Variants in TBC1D21 observed in about 807,000 individuals in gnomAD.
The protein encoded by TBC1D21 is male germ cell Rab GTPase-activating protein.
TBC1D21 carries 38 observed loss-of-function variants against 46.0 expected under a neutral mutation model. The ratio of observed to expected loss-of-function variants is 0.83; its 90% CI spans 0.64 to 1.08. The LOEUF is 1.08. Among genes scored for constraint, TBC1D21 ranks in the 50% least tolerant of loss-of-function variants. The pLI, the probability that TBC1D21 is intolerant of heterozygous loss-of-function variation, is 0.00. For synonymous variants in TBC1D21, 151 were observed against 157.2 expected (o/e 0.96, Z 0.29); for missense variants, 415 against 417.9 (o/e 0.99, Z 0.06).
rs182141009 is a variant in TBC1D21, at chr15:73,884,824, C to T, written c.411C>T (p.Asn137=). 2.5e-5 allele frequency: 41 copies of T among 1,614,132 alleles called. No homozygotes were observed. Among genetic ancestry groups the T allele is most frequent in the East Asian group, 2.2e-4 (10 of 44,880 alleles). ...TCTATGACAAAGATCCCCTGGGCAACGTCCTCATCGACAAGAAGAGGCTAG... is the reference window on the plus strand; with the variant it reads ...TCTATGACAAAGATCCCCTGGGCAATGTCCTCATCGACAAGAAGAGGCTAG... ...QKIYDKDPLG[N]VLIDKKRLEK... is the part of the protein sequence containing the mutation. The change falls in exon 5 of 11, where the codon AAC becomes AAT. Residue 137 remains asparagine, a synonymous_variant. Coordinates refer to ENST00000300504, the MANE Select transcript of TBC1D21 (RefSeq NM_153356.3).
At chr15:73,876,885 C>G (rs1567062848) in intron 1 of TBC1D21, among the ~76,000 whole-genome samples, 1 of 152,016 alleles carries the variant, frequency 6.6e-6, no homozygotes, top group Admixed American at 6.6e-5. Flanking sequence ...GTGGAAAATC[C>G]TTGCCTTTTA....
chr15:73,897,505 C>T, the TBC1D21 span, among the ~76,000 whole-genome samples: 1 of 152,326 alleles, frequency 6.6e-6, no homozygotes, highest in South Asian at 2.1e-4. Context: ...CCCACAGCCA[C>T]AAGGTGCAGC....
chr15:73,888,768 G>T (rs577926078), intron 10 of TBC1D21, among the ~76,000 whole-genome samples: 2 of 150,216 alleles, frequency 1.3e-5, no homozygotes, highest in East Asian at 3.9e-4. Flanking sequence ...AGCCTATCCT[G>T]ATCTCCCAAA....
chr15:73,881,514 C>T lies in TBC1D21; in HGVS notation c.168+8C>T, dbSNP rs1286925328. On this transcript the variant is annotated splice_region_variant and intron_variant, in intron 2 of 10. Transcript: ENST00000300504. ...GTTAACATCCTGGAAAGGGTGGGTC[C>T]CCAAGCTACCCTTGGCCTTGCCCTG... 1 of 1,612,738 alleles carries T rather than the reference C, an allele frequency of 6.2e-7. No homozygotes were observed. Among genetic ancestry groups the T allele is most frequent in the Admixed American group, 1.7e-5 (1 of 60,014 alleles).
the TBC1D21 span, among the ~76,000 whole-genome samples, chr15:73,896,719 T>C: frequency 2.6e-5 from 4 of 152,314 alleles, no homozygotes; most frequent in Non-Finnish European, 5.9e-5. Context: ...GACTTCTCTC[T>C]CCTTGGCAGA....
At chr15:73,889,378 T>C (rs2141588058), downstream of TBC1D21, among the ~76,000 whole-genome samples, 1 of 152,254 alleles carries the variant, frequency 6.6e-6, no homozygotes, top group African/African-American at 2.4e-5. Context: ...TCCTCCTTGA[T>C]GGAGGGTTTT....
chr15:73,898,856 T>TC, the TBC1D21 span, among the ~76,000 whole-genome samples: 3 of 22,490 alleles, frequency 1.3e-4, no homozygotes, highest in Non-Finnish European at 3.2e-4. Context: ...AGAGTGAGAC[T>TC]CCATCTCAAA....
At chr15:73,886,331 T>C (rs935262955) in intron 7 of TBC1D21, among the ~76,000 whole-genome samples, 157 bp downstream of exon 7, 5 of 152,174 alleles carry the variant, frequency 3.3e-5, no homozygotes, top group Non-Finnish European at 5.9e-5. Flanking sequence ...CTGGATGGGG[T>C]TGGAGCCTGG....
At chr15:73,889,542 G>T (rs1178865213), downstream of TBC1D21, among the ~76,000 whole-genome samples, 1 of 152,242 alleles carries the variant, frequency 6.6e-6, no homozygotes, top group South Asian at 2.1e-4. Flanking sequence ...TGGTCCTGGG[G>T]CTCTGCCCCC....
the TBC1D21 span, among the ~76,000 whole-genome samples, chr15:73,904,714 C>T: frequency 5.3e-5 from 8 of 151,922 alleles, no homozygotes; most frequent in South Asian, 4.2e-4. Flanking sequence ...AAAGGAGGGA[C>T]GAGAGGAGCT....
chr15:73,905,627 A>G, the TBC1D21 span, among the ~76,000 whole-genome samples: 1 of 152,226 alleles, frequency 6.6e-6, no homozygotes. Context: ...TATTTACACC[A>G]TGGAAATTGG....
chr15:73,892,677 C>T (rs2068346460), downstream of TBC1D21, among the ~76,000 whole-genome samples: 1 of 152,246 alleles, frequency 6.6e-6, no homozygotes, highest in African/African-American at 2.4e-5. Flanking sequence ...CACACTTCAA[C>T]ACTCCATGTC....
At chr15:73,874,488 A>G (rs1052882127) in intron 1 of TBC1D21, among the ~76,000 whole-genome samples, 1 of 152,228 alleles carries the variant, frequency 6.6e-6, no homozygotes, top group Non-Finnish European at 1.5e-5. Context: ...CATTCTCATC[A>G]CAACTCTATG....
intron 1 of TBC1D21, among the ~76,000 whole-genome samples, chr15:73,874,247 G>A (rs2068019882): frequency 6.6e-6 from 1 of 152,146 alleles, no homozygotes; most frequent in South Asian, 2.1e-4. Flanking sequence ...CCAATCTTAA[G>A]TCTCATTAAT....
At chr15:73,897,967 C>T in the TBC1D21 span, among the ~76,000 whole-genome samples, 1 of 152,230 alleles carries the variant, frequency 6.6e-6, no homozygotes, top group African/African-American at 2.4e-5. Context: ...CTTCCTGCCC[C>T]CCAGCACACA....
chr15:73,896,470 G>C, the TBC1D21 span, among the ~76,000 whole-genome samples: 2 of 152,060 alleles, frequency 1.3e-5, no homozygotes, highest in African/African-American at 2.4e-5. Context: ...GTAGTGACCA[G>C]TATGAGATGA....
intron 1 of TBC1D21, 102 bp from the exon 2 acceptor site, chr15:73,881,297 C>G (rs7170291): frequency 0.18 from 145,313 of 786,534 alleles, 14,725 homozygotes; most frequent in South Asian, 0.33. Flanking sequence ...TCAGGCTGTG[C>G]GCTTTGATAC....
the TBC1D21 span, among the ~76,000 whole-genome samples, chr15:73,909,487 T>A: frequency 6.6e-6 from 1 of 152,154 alleles, no homozygotes. Context: ...TCACGAGAGA[T>A]GAAGGACAGA....
Position 73,881,387 on chromosome 15 carries a change from T to C in TBC1D21, c.61-12T>C. 6.2e-7 allele frequency: 1 copy of C among 1,610,608 alleles called. No individual in the cohort carries two copies. Among genetic ancestry groups the C allele is most frequent in the Non-Finnish European group, 8.5e-7 (1 of 1,176,888 alleles). On this transcript the variant is annotated splice_polypyrimidine_tract_variant and intron_variant, in intron 1 of 10. Coordinates refer to ENST00000300504, the MANE Select transcript of TBC1D21 (RefSeq NM_153356.3). ...TCTAACATAAGGCAGAACTGGTTGC[T>C]GCTTTTGCCAGGTGAAGAGAAAACC...
Sources: allele counts gnomAD v4.1 joint callset (sites outside exome capture counted in the v4.1 genomes callset), GRCh38; gene constraint gnomAD v4.1.1; transcripts MANE v1.5; gene names NCBI Gene and HGNC (gene_info 2026-07-23, HGNC 2026-07-21).